The following THSD7B variants were observed in gnomAD, a reference collection of about 807,000 sequenced individuals.
THSD7B encodes thrombospondin type-1 domain-containing protein 7B.
A neutral mutation model predicts 213.6 loss-of-function variants in THSD7B; 138 were observed. That is an observed-to-expected ratio of 0.65 (90% CI 0.56 to 0.74). The LOEUF (loss-of-function observed/expected upper bound fraction) is 0.74. Ranked by LOEUF, THSD7B falls within the 30% of genes least tolerant of loss-of-function variation. The pLI is 0.00. For missense variants in THSD7B, 1,931 were observed against 1,991.5 expected (o/e 0.97, Z 0.58); for synonymous variants, 742 against 687.0 (o/e 1.08, Z -1.25).
At chr2:137,027,416 C>T (rs551234639) in intron 2 of THSD7B, among the ~76,000 whole-genome samples, 5 of 152,196 alleles carry the variant, frequency 3.3e-5, no homozygotes, top group South Asian at 2.1e-4. Context: ...AAAAGAAGAT[C>T]GAATTACATC....
At chr2:137,413,887 G>C (rs1457561034) in intron 14 of THSD7B, among the ~76,000 whole-genome samples, 3 of 152,108 alleles carry the variant, frequency 2.0e-5, no homozygotes, top group Admixed American at 6.5e-5. Context: ...GTTAATCAAG[G>C]AAAGACATGA....
chr2:137,272,342 T>A (rs1682764779), intron 10 of THSD7B, among the ~76,000 whole-genome samples, 191 bp from the exon 11 acceptor site: 1 of 152,088 alleles, frequency 6.6e-6, no homozygotes, highest in African/African-American at 2.4e-5. Flanking sequence ...CATTATTAAG[T>A]ATTGTGTGTT....
chr2:137,008,221 G>C (rs1347237026), intron 2 of THSD7B, among the ~76,000 whole-genome samples: 2 of 152,146 alleles, frequency 1.3e-5, no homozygotes, highest in Non-Finnish European at 2.9e-5. Context: ...TCTTTGCAGT[G>C]CATTGTTAAA....
intron 15 of THSD7B, among the ~76,000 whole-genome samples, chr2:137,505,900 T>C (rs1475584471): frequency 4.6e-5 from 7 of 152,176 alleles, no homozygotes; most frequent in Non-Finnish European, 7.4e-5. Context: ...AGGCTTAAGA[T>C]TGGCTAGTTA....
chr2:137,304,122 C>A (rs1346997372), intron 12 of THSD7B, among the ~76,000 whole-genome samples: 1 of 151,956 alleles, frequency 6.6e-6, no homozygotes, highest in East Asian at 1.9e-4. Context: ...CATGTCCCTG[C>A]AAAGGACATG....
At chr2:137,641,611 GAGAA>G (rs1346278058) in intron 20 of THSD7B, among the ~76,000 whole-genome samples, 1 of 152,198 alleles carries the variant, frequency 6.6e-6, no homozygotes, top group East Asian at 1.9e-4. Flanking sequence ...AAGAGTACAA[GAGAA>G]AGAGAGAAGC....
rs1487813185 is a variant in THSD7B, at chr2:137,394,493, A to T, written c.2501-11120A>T. On this transcript the variant is annotated intron_variant, in intron 12 of 27. Coordinates refer to ENST00000409968, the MANE Select transcript of THSD7B (RefSeq NM_001316349.2). ...TTGTAGATATGCGGCGTTATTTCTG[A>T]GGGCTGTGTTCTGTTCCATTGATCT... Among the ~76,000 whole-genome samples, 8 of 137,392 alleles carry T rather than the reference A, an allele frequency of 5.8e-5. 2 individuals are homozygous for T. The highest frequency in any genetic ancestry group is 2.2e-4 in the African/African-American group (8 of 37,056). The allele number at this position is 137,392 out of a possible 152,430, so 90.1% of individuals were successfully genotyped here.
chr2:137,298,685 G>A (rs1412298779), intron 12 of THSD7B, among the ~76,000 whole-genome samples: 1 of 152,174 alleles, frequency 6.6e-6, no homozygotes, highest in Non-Finnish European at 1.5e-5. Context: ...ATGGCTGAAA[G>A]GAGCCAATGT....
chr2:137,217,494 A>G (rs1003800665), intron 7 of THSD7B, among the ~76,000 whole-genome samples: 2 of 152,132 alleles, frequency 1.3e-5, no homozygotes, highest in Non-Finnish European at 2.9e-5. Flanking sequence ...AGCCAATGCA[A>G]ACTTAGAGGT....
At chr2:137,224,171 T>C (rs72971570) in intron 7 of THSD7B, among the ~76,000 whole-genome samples, 1,936 of 152,324 alleles carry the variant, frequency 0.013, 45 homozygotes, top group African/African-American at 0.042. Context: ...ATAGAGTCTG[T>C]TTCTGCTCTT....
At chr2:137,221,508 T>A (rs937720500) in intron 7 of THSD7B, among the ~76,000 whole-genome samples, 4 of 152,134 alleles carry the variant, frequency 2.6e-5, no homozygotes, top group African/African-American at 9.7e-5. Context: ...TGTGTGATGA[T>A]AAATAATGGA....
chr2:137,115,315 A>G, intron 5 of THSD7B, 22 bp downstream of exon 5: 1 of 1,525,274 alleles, frequency 6.6e-7, no homozygotes, highest in Admixed American at 2.2e-5. Context: ...GTTCCGGGAC[A>G]GATGGTGCAC....
intron 2 of THSD7B, among the ~76,000 whole-genome samples, chr2:136,968,663 T>C (rs991680743): frequency 6.6e-6 from 1 of 152,186 alleles, no homozygotes; most frequent in African/African-American, 2.4e-5. Context: ...AGAATGTTGC[T>C]TAAGAAATCC....
chr2:137,056,289 T>G (rs1004605548), intron 2 of THSD7B, 131 bp from the exon 3 acceptor site: 1 of 838,778 alleles, frequency 1.2e-6, no homozygotes, highest in African/African-American at 1.7e-5. Context: ...TAAATTATGT[T>G]GTCTCTGTTC....
At chr2:136,787,309 A>G (rs977492759) in intron 1 of THSD7B, among the ~76,000 whole-genome samples, 7 of 152,040 alleles carry the variant, frequency 4.6e-5, no homozygotes, top group African/African-American at 1.7e-4. Context: ...TTGATTAAGT[A>G]CCCAAGTTTT....
intron 14 of THSD7B, among the ~76,000 whole-genome samples, chr2:137,413,903 G>A (rs1426800356): frequency 6.6e-6 from 1 of 152,102 alleles, no homozygotes; most frequent in Non-Finnish European, 1.5e-5. Flanking sequence ...CATGATGGTA[G>A]GTTAGACTAG....
chr2:137,518,857 C>A (rs1023452587), intron 15 of THSD7B, among the ~76,000 whole-genome samples: 3 of 152,176 alleles, frequency 2.0e-5, no homozygotes, highest in African/African-American at 7.2e-5. Flanking sequence ...TTCGATATGG[C>A]ACCATTCCTC....
At chr2:137,675,049 A>AAT (rs143012577) in intron 27 of THSD7B, among the ~76,000 whole-genome samples, 3,424 of 152,182 alleles carry the variant, frequency 0.022, 119 homozygotes, top group African/African-American at 0.078. Context: ...TAAAATTCAC[A>AAT]ATTTTAGCCA....
At chr2:136,948,688 T>C (rs1460031592) in intron 2 of THSD7B, among the ~76,000 whole-genome samples, 1 of 152,140 alleles carries the variant, frequency 6.6e-6, no homozygotes, top group Non-Finnish European at 1.5e-5. Flanking sequence ...ATTTGAAAAA[T>C]AGCTAAAATT....
Sources: gnomAD v4.1 joint callset for allele counts (sites outside exome capture counted in the v4.1 genomes callset) on GRCh38, gnomAD v4.1.1 for gene constraint, MANE v1.5 for transcripts, NCBI Gene and HGNC (gene_info 2026-07-23, HGNC 2026-07-21) for gene names.